MEF2C: variants seen among roughly 807,000 people sequenced by gnomAD.
MEF2C encodes myocyte-specific enhancer factor 2C.
In MEF2C, 6 loss-of-function variants were observed where a neutral mutation model predicts 50.5. The ratio of observed to expected loss-of-function variants is 0.12; its 90% CI spans 0.07 to 0.23. MEF2C has a LOEUF of 0.23. Ranked by LOEUF, MEF2C falls within the 10% of genes least tolerant of loss-of-function variation. MEF2C has a pLI of 1.00. For missense variants in MEF2C, 276 were observed against 605.0 expected (o/e 0.46, Z 5.70); for synonymous variants, 183 against 228.0 (o/e 0.80, Z 1.78).
intron 1 of MEF2C, among the ~76,000 whole-genome samples, chr5:88,898,083 A>T (rs1835296837): frequency 6.6e-6 from 1 of 151,436 alleles, no homozygotes; most frequent in Non-Finnish European, 1.5e-5. Flanking sequence ...TAATGCCATA[A>T]TTTTTTTTTC....
intron 1 of MEF2C, among the ~76,000 whole-genome samples, chr5:88,878,663 A>G (rs1184576910): frequency 6.6e-6 from 1 of 151,936 alleles, no homozygotes; most frequent in African/African-American, 2.4e-5. Flanking sequence ...AAAATTTTGC[A>G]TTTATCTTTG....
chr5:88,766,425 T>C lies in MEF2C; in HGVS notation c.259-5097A>G, dbSNP rs959197556. Among the ~76,000 whole-genome samples the C allele has an allele frequency of 2.0e-5, 3 of 152,312 alleles. No individual in the cohort carries two copies. In the East Asian group the frequency reaches 5.8e-4, roughly 29 times the overall value. ...TAAAAAATTTTTTCCTTTTATTCTT[T>C]CAAAAATTATCTCGTTAGTAAAAAG... On this transcript the variant is annotated intron_variant, in intron 3 of 10. Transcript: ENST00000504921.
At chr5:88,735,237 C>T (rs1166074166) in intron 6 of MEF2C, 1 of 985,240 alleles carries the variant, frequency 1.0e-6, no homozygotes, top group African/African-American at 1.7e-5. Flanking sequence ...AGCCTGTTGT[C>T]CCACCTTAAG....
intron 6 of MEF2C, chr5:88,740,785 A>G (rs1038002708): frequency 3.0e-6 from 3 of 985,214 alleles, no homozygotes; most frequent in African/African-American, 1.7e-5. Context: ...ATCTTTAAAA[A>G]ATTCCATTTA....
At chr5:88,876,063 G>GTT (rs33921751) in intron 1 of MEF2C, among the ~76,000 whole-genome samples, 20 of 122,628 alleles carry the variant, frequency 1.6e-4, no homozygotes, top group Non-Finnish European at 2.9e-4. Flanking sequence ...AGTAACTGGA[G>GTT]TTTTTTTTTT....
intron 1 of MEF2C, among the ~76,000 whole-genome samples, chr5:88,881,884 C>CGGTT (rs1832993784): frequency 6.6e-6 from 1 of 152,142 alleles, no homozygotes; most frequent in Non-Finnish European, 1.5e-5. Context: ...AGCAATTCTC[C>CGGTT]ACTGAGGACC....
intron 1 of MEF2C, among the ~76,000 whole-genome samples, chr5:88,867,754 T>G (rs1827883189): frequency 6.6e-6 from 1 of 152,212 alleles, no homozygotes; most frequent in Admixed American, 6.5e-5. Flanking sequence ...CAATTATATT[T>G]ATAGAAGATC....
intron 1 of MEF2C, among the ~76,000 whole-genome samples, chr5:88,860,757 T>C (rs1460231541): frequency 1.3e-5 from 2 of 152,170 alleles, no homozygotes; most frequent in East Asian, 1.9e-4. Context: ...AATTCTGGCT[T>C]GAAAGGTACA....
intron 1 of MEF2C, among the ~76,000 whole-genome samples, chr5:88,870,829 A>G (rs1829290516): frequency 6.6e-6 from 1 of 151,978 alleles, no homozygotes; most frequent in Non-Finnish European, 1.5e-5. Flanking sequence ...ACTTATAAAA[A>G]CCCTTTCGGG....
At chr5:88,756,678 G>C (rs915457136) in intron 4 of MEF2C, among the ~76,000 whole-genome samples, 1 of 152,122 alleles carries the variant, frequency 6.6e-6, no homozygotes, top group Non-Finnish European at 1.5e-5. Context: ...AAACATTTTA[G>C]GGAATGCAAA....
intron 1 of MEF2C, among the ~76,000 whole-genome samples, chr5:88,869,264 T>TATATATATATAC (rs1561419363): frequency 2.1e-4 from 15 of 72,756 alleles, no homozygotes; most frequent in Admixed American, 3.3e-4. Context: ...TATATATATA[T>TATATATATATAC]ATATATATAT....
intron 2 of MEF2C, among the ~76,000 whole-genome samples, chr5:88,821,212 A>C (rs1808175976): frequency 6.6e-6 from 1 of 151,954 alleles, no homozygotes; most frequent in South Asian, 2.1e-4. Context: ...TATATAAAAA[A>C]AGAAAAGATA....
chr5:88,875,726 G>C (rs1325617035), intron 1 of MEF2C, among the ~76,000 whole-genome samples: 1 of 151,906 alleles, frequency 6.6e-6, no homozygotes, highest in Admixed American at 6.6e-5. Flanking sequence ...CTTTCCCAAA[G>C]GTATTTCCCC....
rs955426546 is a variant in MEF2C, at chr5:88,735,232, G to C, written c.638-3331C>G. On this transcript the variant is annotated intron_variant, in intron 6 of 10. Coordinates refer to ENST00000504921, the MANE Select transcript of MEF2C (RefSeq NM_002397.5). ...GAATGCTGCGGCCTGTGTTGAGCCTGTTGTCCCACCTTAAGATAAATTCAC... is the reference window on the plus strand; with the variant it reads ...GAATGCTGCGGCCTGTGTTGAGCCTCTTGTCCCACCTTAAGATAAATTCAC... 4 of 985,234 alleles carry C rather than the reference G, an allele frequency of 4.1e-6. No homozygotes were observed. The Admixed American group carries it at 2.5e-4, about 61-fold the overall frequency. 61.0% of individuals were successfully genotyped at this position (985,234 alleles called of 1,614,324 possible). A position where few individuals can be genotyped will look rare whatever the true frequency, so the allele number is the denominator to read the frequency against.
chr5:88,738,184 T>C, intron 6 of MEF2C: 1 of 985,326 alleles, frequency 1.0e-6, no homozygotes, highest in Non-Finnish European at 1.2e-6. Context: ...AATAGAAGTA[T>C]TTCCCTAGTG....
chr5:88,772,349 C>G (rs1320410642), intron 3 of MEF2C: 1 of 152,208 alleles, frequency 6.6e-6, no homozygotes, highest in Non-Finnish European at 1.5e-5. Context: ...CCTTTAATTC[C>G]TTGTCTCCCA....
intron 6 of MEF2C, chr5:88,744,212 C>A (rs1010789162): frequency 1.1e-6 from 1 of 877,766 alleles, no homozygotes. Context: ...TACAAACAAC[C>A]GAACTTGATC....
intron 3 of MEF2C, among the ~76,000 whole-genome samples, chr5:88,798,514 C>T (rs1204281833): frequency 6.6e-6 from 1 of 152,036 alleles, no homozygotes; most frequent in Non-Finnish European, 1.5e-5. Context: ...CTTCTCTAAA[C>T]TGGTTATTCT....
At chr5:88,834,292 T>C (rs1485419662) in intron 1 of MEF2C, among the ~76,000 whole-genome samples, 1 of 152,140 alleles carries the variant, frequency 6.6e-6, no homozygotes, top group Non-Finnish European at 1.5e-5. Context: ...GTATTCTGAT[T>C]GTAGATTTCA....
Sources: gnomAD v4.1 joint callset for allele counts (sites outside exome capture counted in the v4.1 genomes callset) on GRCh38, gnomAD v4.1.1 for gene constraint, MANE v1.5 for transcripts, NCBI Gene and HGNC (gene_info 2026-07-23, HGNC 2026-07-21) for gene names.